Variants in PACSIN2 observed in about 807,000 individuals in gnomAD.
PACSIN2 encodes the protein protein kinase C and casein kinase substrate in neurons protein 2.
PACSIN2 carries 25 observed loss-of-function variants against 63.8 expected under a neutral mutation model. The observed-to-expected ratio is 0.39, with a 90% CI of 0.29 to 0.55. The LOEUF (loss-of-function observed/expected upper bound fraction) is 0.55, where lower values mean the gene tolerates loss of function less well. PACSIN2 is among the 20% of genes least tolerant of loss of function. The probability of loss-of-function intolerance (pLI) is 0.62; values close to 1 mark genes in which losing one functional copy is unlikely to be tolerated. For synonymous variants in PACSIN2, 255 were observed against 256.2 expected (o/e 1.00, Z 0.05); for missense variants, 518 against 646.9 (o/e 0.80, Z 2.16).
At chr22:43,013,814 CCAAGT>C (rs1924661874) in intron 1 of PACSIN2, among the ~76,000 whole-genome samples, 1 of 152,152 alleles carries the variant, frequency 6.6e-6, no homozygotes, top group Admixed American at 6.5e-5. Context: ...AAACAGTGTA[CCAAGT>C]AGCCCTGGAG....
chr22:43,007,663 C>T (rs768250622), intron 1 of PACSIN2, among the ~76,000 whole-genome samples: 1 of 152,326 alleles, frequency 6.6e-6, no homozygotes, highest in East Asian at 1.9e-4. Flanking sequence ...GACAGTCAGA[C>T]CCGCCCTCCT....
At chr22:42,919,425 T>C (rs1932020131) in intron 1 of PACSIN2, among the ~76,000 whole-genome samples, 1 of 152,156 alleles carries the variant, frequency 6.6e-6, no homozygotes, top group Non-Finnish European at 1.5e-5. Flanking sequence ...GGCACTTCTT[T>C]TGCACATTTC....
chr22:42,967,038 A>T (rs1032945036), intron 1 of PACSIN2, among the ~76,000 whole-genome samples: 2 of 152,200 alleles, frequency 1.3e-5, no homozygotes, highest in African/African-American at 4.8e-5. Context: ...ACTTGTCCGT[A>T]AGCAGCTTCA....
chr22:42,899,270 C>T (rs1367488164), intron 2 of PACSIN2, among the ~76,000 whole-genome samples: 2 of 152,186 alleles, frequency 1.3e-5, no homozygotes, highest in African/African-American at 2.4e-5. Flanking sequence ...TACGGCATGG[C>T]TCCTTAAACA....
chr22:42,888,230 C>A (rs1265358267), intron 5 of PACSIN2, among the ~76,000 whole-genome samples: 2 of 152,164 alleles, frequency 1.3e-5, no homozygotes, highest in African/African-American at 4.8e-5. Flanking sequence ...GTCCTCATAA[C>A]CCTCCATACC....
chr22:42,957,896 C>T lies in PACSIN2; in HGVS notation c.-77-45739G>A, dbSNP rs1337603279. Reference sequence around the variant, plus strand: ...GCCCGCTTCTATCAGTAACAATTGACTGTCTCTCCCCTGAGCTAGGGGAGA... The same window carrying T: ...GCCCGCTTCTATCAGTAACAATTGATTGTCTCTCCCCTGAGCTAGGGGAGA... On this transcript the variant is annotated intron_variant, in intron 1 of 10. Coordinates refer to ENST00000263246, the MANE Select transcript of PACSIN2 (RefSeq NM_001184970.3). 2.6e-5 allele frequency among the ~76,000 whole-genome samples: 4 copies of T among 152,152 alleles called. No individual in the cohort carries two copies. In the East Asian group the frequency reaches 7.7e-4, roughly 29 times the overall value.
At chr22:42,895,040 T>C (rs1357185695) in intron 2 of PACSIN2, among the ~76,000 whole-genome samples, 1 of 152,200 alleles carries the variant, frequency 6.6e-6, no homozygotes, top group African/African-American at 2.4e-5. Flanking sequence ...CAAAGACCCC[T>C]GGAAGGTGGT....
At chr22:42,895,130 T>TGGCAGCTC (rs1043169070) in intron 2 of PACSIN2, among the ~76,000 whole-genome samples, 3 of 152,198 alleles carry the variant, frequency 2.0e-5, no homozygotes, top group African/African-American at 7.2e-5. Flanking sequence ...CCAGCAAGGC[T>TGGCAGCTC]GGCAGCTCGG....
chr22:42,999,545 T>C (rs767967459), intron 1 of PACSIN2, among the ~76,000 whole-genome samples: 1 of 152,154 alleles, frequency 6.6e-6, no homozygotes, highest in Non-Finnish European at 1.5e-5. Context: ...GGTACATGCC[T>C]GTAATCCCAG....
chr22:42,992,974 G>A (rs1923144483), intron 1 of PACSIN2, among the ~76,000 whole-genome samples: 1 of 152,100 alleles, frequency 6.6e-6, no homozygotes, highest in African/African-American at 2.4e-5. Context: ...GACCAGCCTG[G>A]GCAACACAGT....
chr22:42,890,336 T>C (rs1336306546), intron 4 of PACSIN2, among the ~76,000 whole-genome samples: 2 of 152,020 alleles, frequency 1.3e-5, no homozygotes, highest in Non-Finnish European at 2.9e-5. Flanking sequence ...TTCCCCAGGG[T>C]TGGGAGAAGT....
At chr22:42,897,118 G>A (rs1310036570) in intron 2 of PACSIN2, among the ~76,000 whole-genome samples, 1 of 151,934 alleles carries the variant, frequency 6.6e-6, no homozygotes, top group Non-Finnish European at 1.5e-5. Flanking sequence ...TGTATTTTTT[G>A]CAGAGACAGG....
intron 6 of PACSIN2, among the ~76,000 whole-genome samples, chr22:42,882,646 C>A (rs1929169208): frequency 6.6e-6 from 1 of 152,216 alleles, no homozygotes; most frequent in Non-Finnish European, 1.5e-5. Flanking sequence ...GAAGAGAAAA[C>A]TGGAGGGTGT....
intron 1 of PACSIN2, among the ~76,000 whole-genome samples, chr22:42,982,087 C>A (rs1324217575): frequency 8.1e-6 from 1 of 122,934 alleles, no homozygotes; most frequent in Non-Finnish European, 1.8e-5. Flanking sequence ...AAGTGAGGAC[C>A]CCTCTGCCCG....
chr22:42,981,056 C>T (rs8139769), intron 1 of PACSIN2, among the ~76,000 whole-genome samples: 29 of 148,566 alleles, frequency 2.0e-4, no homozygotes, highest in African/African-American at 7.0e-4. Context: ...TCTTCCCCGC[C>T]GCCATCCCAT....
chr22:42,876,320 C>T lies in PACSIN2; in HGVS notation c.1165G>A (p.Glu389Lys), dbSNP rs754553127. 80 of 1,613,758 alleles carry T rather than the reference C, an allele frequency of 5.0e-5. No individual in the cohort carries two copies. Among genetic ancestry groups the T allele is most frequent in the Non-Finnish European group, 6.4e-5 (76 of 1,179,782 alleles). ...DTKAKNVSSY[E>K]KTQSYPTDWS... ...TCGGTGGGATAGCTCTGGGTCTTCT[C>T]GTAGCTGCTCACACTGCAAGAAAGG... Residue 389 changes from glutamate (E) to lysine (K), a missense_variant, in exon 10 of 11, where the codon GAG becomes AAG. Physicochemically the swap from Glu to Lys is moderately conservative, Grantham distance 56 (BLOSUM62 1). Around this residue, in one of 2 missense-constraint regions of PACSIN2, gnomAD observed 507 missense variants for 612.3 expected, o/e 0.83. Coordinates refer to ENST00000263246, the MANE Select transcript of PACSIN2 (RefSeq NM_001184970.3).
intron 1 of PACSIN2, among the ~76,000 whole-genome samples, chr22:42,957,090 C>T (rs1032596117): frequency 6.7e-6 from 1 of 150,344 alleles, no homozygotes; most frequent in Admixed American, 6.6e-5. Context: ...AGCCTGCAGC[C>T]CCACTTCTTC....
chr22:42,877,117 G>C, intron 8 of PACSIN2, 107 bp from the exon 9 acceptor site: 4 of 1,148,136 alleles, frequency 3.5e-6, no homozygotes, highest in African/African-American at 1.5e-5. Flanking sequence ...CTCCTCCTGT[G>C]ACCGGAGGGG....
chr22:42,982,858 AG>A (rs1453982293), intron 1 of PACSIN2, among the ~76,000 whole-genome samples: 2 of 133,034 alleles, frequency 1.5e-5, no homozygotes, highest in Non-Finnish European at 3.1e-5. Flanking sequence ...GAAACACCAA[AG>A]AATGATCAAT....
Sources: gnomAD v4.1 joint callset for allele counts (sites outside exome capture counted in the v4.1 genomes callset) on GRCh38, gnomAD v4.1.1 for gene constraint, gnomAD v4.1.1 regional missense constraint, MANE v1.5 for transcripts, NCBI Gene and HGNC (gene_info 2026-07-23, HGNC 2026-07-21) for gene names.